ATF6: variants seen among roughly 807,000 people sequenced by gnomAD.
ATF6 encodes activating transcription factor 6.
A neutral mutation model predicts 83.6 loss-of-function variants in ATF6; 53 were observed. The observed-to-expected ratio is 0.63, with a 90% CI of 0.51 to 0.80. The LOEUF (loss-of-function observed/expected upper bound fraction) is 0.80, where lower values mean the gene tolerates loss of function less well. Ranked by LOEUF, ATF6 falls within the 30% of genes least tolerant of loss-of-function variation. The pLI is 0.00. For synonymous variants in ATF6, 288 were observed against 285.8 expected (o/e 1.01, Z -0.08); for missense variants, 744 against 797.9 (o/e 0.93, Z 0.81).
At chr1:161,957,295 A>C (rs1688987613) in intron 15 of ATF6, among the ~76,000 whole-genome samples, 1 of 152,194 alleles carries the variant, frequency 6.6e-6, no homozygotes, top group Non-Finnish European at 1.5e-5. Context: ...GTAGAAAGGC[A>C]GTACAGAACT....
chr1:161,925,315 G>A (rs1688291574), intron 15 of ATF6, among the ~76,000 whole-genome samples: 1 of 152,120 alleles, frequency 6.6e-6, no homozygotes, highest in South Asian at 2.1e-4. Context: ...TTTTTTTCTA[G>A]TTACATCATA....
intron 1 of ATF6, among the ~76,000 whole-genome samples, chr1:161,775,134 C>T (rs1684485999): frequency 1.3e-5 from 2 of 152,146 alleles, no homozygotes; most frequent in Admixed American, 1.3e-4. Flanking sequence ...AATTTGGCAT[C>T]AGAATAAAAT....
intron 14 of ATF6, 88 bp downstream of exon 14, chr1:161,863,400 G>A (rs1686927089): frequency 1.2e-6 from 1 of 861,680 alleles, no homozygotes. Context: ...AAAATACAAA[G>A]ATGTGAGAAA....
At chr1:161,907,856 A>G (rs1687907103) in intron 14 of ATF6, among the ~76,000 whole-genome samples, 1 of 152,136 alleles carries the variant, frequency 6.6e-6, no homozygotes, top group Admixed American at 6.5e-5. Flanking sequence ...CATAAACTAT[A>G]CTCACAAATC....
intron 9 of ATF6, chr1:161,840,129 C>T (rs1194499547): frequency 6.6e-6 from 1 of 152,260 alleles, no homozygotes; most frequent in Non-Finnish European, 1.5e-5. Flanking sequence ...AACCATGTTC[C>T]ATCTGTTGTC....
chr1:161,774,759 C>T (rs546130891), intron 1 of ATF6, among the ~76,000 whole-genome samples: 19 of 152,182 alleles, frequency 1.2e-4, no homozygotes, highest in Non-Finnish European at 2.5e-4. Context: ...TCAAAGACAC[C>T]ATTCAAAGTT....
intron 9 of ATF6, among the ~76,000 whole-genome samples, chr1:161,825,657 A>C (rs1685878051): frequency 6.6e-6 from 1 of 152,046 alleles, no homozygotes; most frequent in Non-Finnish European, 1.5e-5. Context: ...CAGAGCTTTC[A>C]TGCCCTCTCC....
intron 4 of ATF6, among the ~76,000 whole-genome samples, chr1:161,785,182 A>G (rs1002821899): frequency 6.6e-6 from 1 of 152,222 alleles, no homozygotes; most frequent in African/African-American, 2.4e-5. Context: ...AGATGCTGGC[A>G]GTGAACAACA....
chr1:161,905,481 A>G (rs7412625), intron 14 of ATF6, among the ~76,000 whole-genome samples: 22,307 of 152,158 alleles, frequency 0.15, 2,230 homozygotes, highest in East Asian at 0.33. Context: ...TGCTTTGGTA[A>G]CACACCTGTA....
intron 10 of ATF6, among the ~76,000 whole-genome samples, chr1:161,849,960 C>T (rs1686576669): frequency 6.6e-6 from 1 of 152,130 alleles, no homozygotes; most frequent in Non-Finnish European, 1.5e-5. Flanking sequence ...TGTCTTTCAA[C>T]AAGTGTTGTT....
intron 7 of ATF6, among the ~76,000 whole-genome samples, chr1:161,805,745 AT>A (rs1685262876): frequency 1.3e-5 from 2 of 152,124 alleles, no homozygotes; most frequent in South Asian, 2.1e-4. Context: ...GATCAAAAAA[AT>A]ATTTTTTATC....
At chr1:161,955,207 T>C (rs1244978971) in intron 15 of ATF6, among the ~76,000 whole-genome samples, 1 of 152,220 alleles carries the variant, frequency 6.6e-6, no homozygotes, top group Non-Finnish European at 1.5e-5. Flanking sequence ...CTCATATCCC[T>C]GCCTGTGTTT....
rs1232983482 is a variant in ATF6, at chr1:161,938,473, G to A, written c.1805-19973G>A. Among the ~76,000 whole-genome samples, 4 of 152,304 alleles carry A rather than the reference G, an allele frequency of 2.6e-5. No homozygotes were observed. In the East Asian group the frequency reaches 5.8e-4, roughly 22 times the overall value. On this transcript the variant is annotated intron_variant, in intron 15 of 15. Coordinates refer to ENST00000367942, the MANE Select transcript of ATF6 (RefSeq NM_007348.4). ...CTTTGAATATCAGAGAAACATAAGA[G>A]TGTAAAGATTTCAAGGAAATGGTCA...
intron 1 of ATF6, among the ~76,000 whole-genome samples, chr1:161,767,107 T>G (rs774215176): frequency 7.9e-5 from 12 of 152,188 alleles, no homozygotes; most frequent in Non-Finnish European, 1.6e-4. Flanking sequence ...ATGAAGAAAC[T>G]TTGTTATCTA....
At chr1:161,855,385 C>T (rs560509428) in intron 12 of ATF6, among the ~76,000 whole-genome samples, 37 of 152,200 alleles carry the variant, frequency 2.4e-4, no homozygotes, top group Non-Finnish European at 4.6e-4. Flanking sequence ...TTGGTGATAC[C>T]ATTTACTGAG....
At chr1:161,909,801 A>G (rs1687953398) in intron 14 of ATF6, among the ~76,000 whole-genome samples, 1 of 152,018 alleles carries the variant, frequency 6.6e-6, no homozygotes, top group East Asian at 1.9e-4. Flanking sequence ...CTAAAAATAC[A>G]AAAAATTAGC....
intron 15 of ATF6, among the ~76,000 whole-genome samples, chr1:161,938,557 G>A (rs1688582462): frequency 6.6e-6 from 1 of 152,136 alleles, no homozygotes; most frequent in African/African-American, 2.4e-5. Context: ...AGAAATGTAA[G>A]GCAGGCAAGA....
At chr1:161,929,102 A>G (rs1275355811) in intron 15 of ATF6, among the ~76,000 whole-genome samples, 2 of 152,238 alleles carry the variant, frequency 1.3e-5, no homozygotes, top group African/African-American at 4.8e-5. Context: ...TATGAAAACT[A>G]TATAAAAGCT....
At chr1:161,787,878 G>T (rs904180886) in intron 4 of ATF6, among the ~76,000 whole-genome samples, 7 of 152,148 alleles carry the variant, frequency 4.6e-5, no homozygotes, top group African/African-American at 1.7e-4. Flanking sequence ...CATTATAGTA[G>T]ATATCTTTAT....
Sources: allele counts gnomAD v4.1 joint callset (sites outside exome capture counted in the v4.1 genomes callset), GRCh38; gene constraint gnomAD v4.1.1; transcripts MANE v1.5; gene names NCBI Gene and HGNC (gene_info 2026-07-23, HGNC 2026-07-21).